The following VRK2 variants were observed in gnomAD, a reference collection of about 807,000 sequenced individuals.
The protein encoded by VRK2 is VRK serine/threonine kinase 2.
In VRK2, 60 loss-of-function variants were observed where a neutral mutation model predicts 57.6. The ratio of observed to expected loss-of-function variants is 1.04; its 90% CI spans 0.85 to 1.29. The LOEUF is 1.29. Among genes scored for constraint, VRK2 ranks in the 50% most tolerant of loss-of-function variants. The pLI, the probability that VRK2 is intolerant of heterozygous loss-of-function variation, is 0.00. For synonymous variants in VRK2, 231 were observed against 199.2 expected (o/e 1.16, Z -1.35); for missense variants, 705 against 588.1 (o/e 1.20, Z -2.06).
At chr2:57,973,460 A>G (rs765445637) in intron 1 of VRK2, among the ~76,000 whole-genome samples, 11 of 151,932 alleles carry the variant, frequency 7.2e-5, no homozygotes, top group Non-Finnish European at 1.5e-4. Flanking sequence ...GCATTTGCCA[A>G]CATGTCATTC....
intron 1 of VRK2, among the ~76,000 whole-genome samples, chr2:57,934,121 T>C (rs1043916090): frequency 1.3e-5 from 2 of 152,244 alleles, no homozygotes; most frequent in Admixed American, 1.3e-4. Context: ...CCTATAGTTA[T>C]TTTTAATACC....
intron 1 of VRK2, among the ~76,000 whole-genome samples, chr2:57,956,066 T>C (rs1244096850): frequency 1.3e-5 from 2 of 152,114 alleles, no homozygotes; most frequent in African/African-American, 4.8e-5. Context: ...TAACAATAGA[T>C]TTATAAAAGA....
At chr2:58,001,881 T>G (rs1282510436) in intron 1 of VRK2, among the ~76,000 whole-genome samples, 3 of 152,134 alleles carry the variant, frequency 2.0e-5, no homozygotes, top group African/African-American at 4.8e-5. Flanking sequence ...GACTTTATTT[T>G]CTTCCATTCC....
chr2:57,970,315 G>A (rs144423903), intron 1 of VRK2, among the ~76,000 whole-genome samples: 38 of 150,926 alleles, frequency 2.5e-4, no homozygotes, highest in African/African-American at 9.0e-4. Flanking sequence ...GACATTTTCT[G>A]TAAAAATATA....
chr2:58,079,203 G>C (rs1261118360), intron 2 of VRK2, among the ~76,000 whole-genome samples: 1 of 152,048 alleles, frequency 6.6e-6, no homozygotes, highest in African/African-American at 2.4e-5. Context: ...AGTACTATCA[G>C]TAGGTGCATG....
intron 1 of VRK2, among the ~76,000 whole-genome samples, chr2:57,915,055 G>C (rs1407057997): frequency 6.6e-6 from 1 of 152,020 alleles, no homozygotes; most frequent in Admixed American, 6.6e-5. Context: ...ACTGTAAAAT[G>C]AAATGTACAT....
intron 1 of VRK2, among the ~76,000 whole-genome samples, chr2:57,948,807 C>T (rs1671338021): frequency 6.6e-6 from 1 of 151,828 alleles, no homozygotes; most frequent in Non-Finnish European, 1.5e-5. Flanking sequence ...CAGAAAGAAC[C>T]TGAAAAAGAG....
intron 10 of VRK2, among the ~76,000 whole-genome samples, chr2:58,137,070 CAT>C (rs1491473674): frequency 9.3e-5 from 10 of 107,592 alleles, no homozygotes; most frequent in East Asian, 2.5e-4. Flanking sequence ...TATCATATAT[CAT>C]ATATAACATA....
intron 8 of VRK2, among the ~76,000 whole-genome samples, chr2:58,124,746 A>G (rs1052137001): frequency 2.6e-5 from 4 of 152,344 alleles, no homozygotes; most frequent in Admixed American, 2.6e-4. Context: ...TAAAACAAGT[A>G]TAACTTCTTC....
chr2:57,996,024 C>A (rs187645685), intron 1 of VRK2, among the ~76,000 whole-genome samples: 96 of 152,230 alleles, frequency 6.3e-4, no homozygotes, highest in Admixed American at 1.1e-3. Context: ...CAAATAAAAA[C>A]AATACAGTGC....
intron 2 of VRK2, among the ~76,000 whole-genome samples, chr2:58,061,636 A>T (rs1413876000): frequency 6.6e-6 from 1 of 152,018 alleles, no homozygotes; most frequent in Non-Finnish European, 1.5e-5. Context: ...CACAGTAAAA[A>T]TCATTAAGAG....
At chr2:58,039,130 T>G (rs553846877) in intron 3 of VRK2, among the ~76,000 whole-genome samples, 1 of 151,988 alleles carries the variant, frequency 6.6e-6, no homozygotes, top group Non-Finnish European at 1.5e-5. Flanking sequence ...TACGTAAAAA[T>G]AAAACAATTT....
At chr2:58,017,940 C>G (rs1251061399) in intron 1 of VRK2, 1 of 152,138 alleles carries the variant, frequency 6.6e-6, no homozygotes, top group African/African-American at 2.4e-5. Flanking sequence ...ATAATAGAGA[C>G]AACAAATATG....
intron 1 of VRK2, among the ~76,000 whole-genome samples, chr2:57,968,427 C>T (rs1671987652): frequency 6.6e-6 from 1 of 151,998 alleles, no homozygotes; most frequent in African/African-American, 2.4e-5. Context: ...CTTATCAAAA[C>T]ATATTCTAAT....
At chr2:58,006,675 G>A (rs1290571296) in intron 1 of VRK2, among the ~76,000 whole-genome samples, 1 of 152,112 alleles carries the variant, frequency 6.6e-6, no homozygotes, top group Non-Finnish European at 1.5e-5. Flanking sequence ...CAATCTCCAA[G>A]GCAAGGTGGG....
chr2:58,045,084 GA>G (rs952607501), upstream of VRK2, among the ~76,000 whole-genome samples: 1 of 152,236 alleles, frequency 6.6e-6, no homozygotes, highest in Admixed American at 6.5e-5. Context: ...GGCTAATTGT[GA>G]GTAAATTGGA....
intron 2 of VRK2, among the ~76,000 whole-genome samples, chr2:58,027,762 T>C (rs1268955823): frequency 6.6e-6 from 1 of 152,156 alleles, no homozygotes. Flanking sequence ...ATCTATAAGA[T>C]TTATAGAAGT....
chr2:57,969,491 A>T (rs1439935121), intron 1 of VRK2, among the ~76,000 whole-genome samples: 2 of 151,972 alleles, frequency 1.3e-5, no homozygotes, highest in Non-Finnish European at 2.9e-5. Context: ...TAAAATTAGG[A>T]ATATTTATAT....
chr2:58,046,773 C>T, upstream of VRK2: 1 of 985,500 alleles, frequency 1.0e-6, no homozygotes, highest in South Asian at 4.7e-5. Flanking sequence ...CTGGGCCCGC[C>T]TCCCCGCGGG....
Sources: allele counts gnomAD v4.1 joint callset (sites outside exome capture counted in the v4.1 genomes callset), GRCh38; gene constraint gnomAD v4.1.1; transcripts MANE v1.5; gene names NCBI Gene and HGNC (gene_info 2026-07-23, HGNC 2026-07-21).